The following SLC2A13 variants were observed in gnomAD, a reference collection of about 807,000 sequenced individuals.
SLC2A13 encodes solute carrier family 2 member 13.
SLC2A13 carries 32 observed loss-of-function variants against 64.4 expected under a neutral mutation model. The ratio of observed to expected loss-of-function variants is 0.50; its 90% CI spans 0.37 to 0.67. The LOEUF is 0.67. Among genes scored for constraint, SLC2A13 ranks in the 30% least tolerant of loss-of-function variants. SLC2A13 has a pLI of 0.00. For synonymous variants in SLC2A13, 338 were observed against 327.1 expected (o/e 1.03, Z -0.36); for missense variants, 743 against 829.2 (o/e 0.90, Z 1.28).
chr12:39,879,640 G>T (rs1944291645), intron 4 of SLC2A13, among the ~76,000 whole-genome samples: 1 of 152,084 alleles, frequency 6.6e-6, no homozygotes, highest in South Asian at 2.1e-4. Flanking sequence ...GAGAATATTT[G>T]TTTACCCAAT....
At chr12:39,897,459 T>C (rs1197587089) in intron 4 of SLC2A13, among the ~76,000 whole-genome samples, 2 of 152,128 alleles carry the variant, frequency 1.3e-5, no homozygotes, top group Non-Finnish European at 2.9e-5. Context: ...GATGCAGATG[T>C]TTCAATGTTT....
intron 3 of SLC2A13, among the ~76,000 whole-genome samples, chr12:40,001,681 C>T (rs955267359): frequency 2.0e-5 from 3 of 152,190 alleles, no homozygotes; most frequent in Non-Finnish European, 4.4e-5. Flanking sequence ...ATTCAAGGCA[C>T]TGAAACTATG....
At chr12:39,814,628 G>A (rs7295029) in intron 7 of SLC2A13, among the ~76,000 whole-genome samples, 101,814 of 152,048 alleles carry the variant, frequency 0.67, 34,435 homozygotes, top group East Asian at 0.77. Flanking sequence ...ACATTTTAAA[G>A]AGAGGAAAAA....
intron 4 of SLC2A13, among the ~76,000 whole-genome samples, chr12:39,935,839 T>C (rs1945908334): frequency 2.0e-5 from 3 of 152,340 alleles, no homozygotes; most frequent in South Asian, 2.1e-4. Context: ...GGAGGTTCCA[T>C]GTAGCAGGAG....
intron 5 of SLC2A13, among the ~76,000 whole-genome samples, chr12:39,870,983 A>G (rs1342868673): frequency 6.6e-6 from 1 of 152,224 alleles, no homozygotes; most frequent in Non-Finnish European, 1.5e-5. Context: ...CCTGGAAACT[A>G]TCTTTTAATG....
At chr12:39,901,346 C>G (rs1199730093) in intron 4 of SLC2A13, among the ~76,000 whole-genome samples, 7 of 151,446 alleles carry the variant, frequency 4.6e-5, no homozygotes, top group Non-Finnish European at 8.8e-5. Context: ...CAAATGGGAT[C>G]TAATTAAACT....
chr12:39,827,083 G>A (rs1318667724), intron 7 of SLC2A13, among the ~76,000 whole-genome samples: 1 of 151,514 alleles, frequency 6.6e-6, no homozygotes, highest in Non-Finnish European at 1.5e-5. Context: ...TTTACCAACA[G>A]TTGCTTCCCA....
chr12:40,025,877 G>A (rs1014782778), intron 3 of SLC2A13, among the ~76,000 whole-genome samples: 2 of 152,182 alleles, frequency 1.3e-5, no homozygotes, highest in African/African-American at 2.4e-5. Flanking sequence ...TGTCCATCTA[G>A]CCTATCGTTC....
intron 4 of SLC2A13, among the ~76,000 whole-genome samples, chr12:39,909,412 C>G (rs188388963): frequency 3.9e-4 from 60 of 152,120 alleles, no homozygotes; most frequent in African/African-American, 1.4e-3. Flanking sequence ...AAAAAAATCG[C>G]CATTCAATTT....
chr12:39,794,609 G>A (rs1488045863), intron 7 of SLC2A13, among the ~76,000 whole-genome samples: 1 of 152,132 alleles, frequency 6.6e-6, no homozygotes, highest in East Asian at 1.9e-4. Flanking sequence ...CAAAGGCAGA[G>A]CTGTAACCAA....
intron 1 of SLC2A13, among the ~76,000 whole-genome samples, chr12:40,076,832 TTGACTTTTCAATAACTGCCATTC>T (rs1316696958): frequency 1.3e-5 from 2 of 152,102 alleles, no homozygotes; most frequent in Non-Finnish European, 2.9e-5. Context: ...CTTTTTGTTT[TTGACTTTTCAATAACTGCCATTC>T]TGACTGGTAT....
At chr12:40,088,593 G>C (rs1167167347) in intron 1 of SLC2A13, among the ~76,000 whole-genome samples, 1 of 152,172 alleles carries the variant, frequency 6.6e-6, no homozygotes, top group Non-Finnish European at 1.5e-5. Flanking sequence ...TTGTCTTGGA[G>C]CTGTGTTAAT....
chr12:39,830,588 G>C, intron 6 of SLC2A13: 1 of 587,690 alleles, frequency 1.7e-6, no homozygotes, highest in Non-Finnish European at 2.2e-6. Flanking sequence ...ATCCAGCCCT[G>C]ACTGGTTCCA....
At chr12:39,987,058 A>G (rs1415282725) in intron 3 of SLC2A13, among the ~76,000 whole-genome samples, 1 of 152,178 alleles carries the variant, frequency 6.6e-6, no homozygotes, top group Non-Finnish European at 1.5e-5. Context: ...GGCTGCCTTT[A>G]AGCTATAACC....
chr12:39,921,471 T>C (rs893680333), intron 4 of SLC2A13, among the ~76,000 whole-genome samples: 5 of 152,072 alleles, frequency 3.3e-5, no homozygotes, highest in Non-Finnish European at 5.9e-5. Context: ...GGAAACGTCA[T>C]GGGAGCGTCC....
At chr12:40,104,247 T>A (rs145041881) in intron 1 of SLC2A13, among the ~76,000 whole-genome samples, 36 of 152,304 alleles carry the variant, frequency 2.4e-4, no homozygotes, top group Non-Finnish European at 1.9e-4. Context: ...CAGCGGTGTG[T>A]CTTAGAAAAA....
chr12:40,103,419 T>G (rs773483845), intron 1 of SLC2A13, among the ~76,000 whole-genome samples: 1 of 152,216 alleles, frequency 6.6e-6, no homozygotes, highest in Non-Finnish European at 1.5e-5. Flanking sequence ...TTATAAAGCT[T>G]AGCAAGTTCT....
intron 4 of SLC2A13, chr12:39,907,873 A>G (rs1239828565): frequency 6.6e-6 from 1 of 152,138 alleles, no homozygotes; most frequent in Non-Finnish European, 1.5e-5. Context: ...TGGAAAGAGA[A>G]TGGAGCCTTA....
At chr12:39,865,913 C>T (rs1943897615) in intron 5 of SLC2A13, among the ~76,000 whole-genome samples, 1 of 152,180 alleles carries the variant, frequency 6.6e-6, no homozygotes, top group African/African-American at 2.4e-5. Context: ...GATGAAAAAA[C>T]TACTTATTGA....
Sources: gnomAD v4.1 joint callset for allele counts (sites outside exome capture counted in the v4.1 genomes callset) on GRCh38, gnomAD v4.1.1 for gene constraint, MANE v1.5 for transcripts, NCBI Gene and HGNC (gene_info 2026-07-23, HGNC 2026-07-21) for gene names.